Variants in RGPD2 observed in about 807,000 individuals in gnomAD.
RGPD2 encodes the protein RANBP2-like and GRIP domain-containing protein 2.
Under a neutral mutation model 36.0 loss-of-function variants are expected in RGPD2, and 2 were observed. The ratio of observed to expected loss-of-function variants is 0.06; its 90% CI spans 0.02 to 0.17. The LOEUF (loss-of-function observed/expected upper bound fraction) is 0.17. RGPD2 is among the 10% of genes least tolerant of loss of function. The pLI, the probability that RGPD2 is intolerant of heterozygous loss-of-function variation, is 1.00. For missense variants in RGPD2, 40 were observed against 464.3 expected (o/e 0.09, Z 8.40); for synonymous variants, 19 against 163.8 (o/e 0.12, Z 6.75).
chr2:87,961,503 C>G, the RGPD2 span, among the ~76,000 whole-genome samples: 1 of 151,698 alleles, frequency 6.6e-6, no homozygotes, highest in Non-Finnish European at 1.5e-5. Flanking sequence ...GAGTTGGAGA[C>G]CAGCCTGGCC....
At chr2:87,943,510 G>A in the RGPD2 span, among the ~76,000 whole-genome samples, 1 of 151,498 alleles carries the variant, frequency 6.6e-6, no homozygotes, top group African/African-American at 2.4e-5. Context: ...TTGCTTTTGA[G>A]TTGAGTTCCT....
the RGPD2 span, among the ~76,000 whole-genome samples, chr2:87,964,807 AT>A: frequency 1.2e-5 from 1 of 80,364 alleles, no homozygotes; most frequent in Non-Finnish European, 3.0e-5. Context: ...AATTCTTTTT[AT>A]TTATTTATTT....
the RGPD2 span, among the ~76,000 whole-genome samples, chr2:87,938,057 T>C: frequency 6.6e-6 from 1 of 151,810 alleles, no homozygotes; most frequent in East Asian, 1.9e-4. Flanking sequence ...TATGGACAAT[T>C]AATTTTTTAA....
At chr2:87,885,752 AG>A in the RGPD2 span, among the ~76,000 whole-genome samples, 1 of 148,132 alleles carries the variant, frequency 6.8e-6, no homozygotes, top group Admixed American at 6.8e-5. Context: ...ATATAACTCA[AG>A]GCCTCAAAAA....
chr2:87,988,524 A>AATATATATATATATAT, the RGPD2 span, among the ~76,000 whole-genome samples: 80 of 42,836 alleles, frequency 1.9e-3, 1 homozygote, highest in East Asian at 3.4e-3. Context: ...TATACATATA[A>AATATATATATATATAT]ATATATATAT....
chr2:87,873,256 G>C, the RGPD2 span, among the ~76,000 whole-genome samples: 1 of 142,484 alleles, frequency 7.0e-6, no homozygotes, highest in Non-Finnish European at 1.5e-5. Flanking sequence ...TGGTCATTTT[G>C]GGTTTATTCT....
the RGPD2 span, among the ~76,000 whole-genome samples, chr2:87,927,541 C>A: frequency 6.6e-6 from 1 of 151,256 alleles, no homozygotes; most frequent in Non-Finnish European, 1.5e-5. Flanking sequence ...AACAACAGAA[C>A]AACTAAGAAG....
chr2:87,853,937 G>C, the RGPD2 span, among the ~76,000 whole-genome samples: 5 of 152,270 alleles, frequency 3.3e-5, no homozygotes, highest in African/African-American at 1.2e-4. Flanking sequence ...AGAGTTCTGT[G>C]TAATTGAGTA....
chr2:87,939,475 T>G, the RGPD2 span, among the ~76,000 whole-genome samples: 1 of 151,974 alleles, frequency 6.6e-6, no homozygotes, highest in African/African-American at 2.4e-5. Flanking sequence ...GGGTCACGTG[T>G]TGTCCCTAGC....
At chr2:87,915,539 C>T in the RGPD2 span, among the ~76,000 whole-genome samples, 1 of 138,326 alleles carries the variant, frequency 7.2e-6, no homozygotes, top group Admixed American at 7.3e-5. Context: ...CATATATACA[C>T]ATATATATGT....
At chr2:87,826,259 G>C (rs1686808754), upstream of RGPD2, among the ~76,000 whole-genome samples, 2 of 150,404 alleles carry the variant, frequency 1.3e-5, no homozygotes, top group African/African-American at 4.9e-5. Flanking sequence ...TATACTTGTA[G>C]CAACATAGCT....
chr2:87,971,634 T>TA, the RGPD2 span, among the ~76,000 whole-genome samples: 65 of 148,940 alleles, frequency 4.4e-4, no homozygotes, highest in South Asian at 7.8e-3. Flanking sequence ...GATCGATTTT[T>TA]ATGTAGTTTT....
chr2:87,986,609 G>A, the RGPD2 span, among the ~76,000 whole-genome samples: 2 of 151,840 alleles, frequency 1.3e-5, no homozygotes, highest in African/African-American at 4.8e-5. Context: ...GCCAGGCATG[G>A]TGACTCACGC....
intron 6 of RGPD2, among the ~76,000 whole-genome samples, chr2:87,807,098 CCT>C (rs1484225052): frequency 1.9e-5 from 2 of 104,540 alleles, no homozygotes; most frequent in African/African-American, 9.5e-5. Context: ...TCATGCTTAA[CCT>C]CTCAAATGAT....
the RGPD2 span, among the ~76,000 whole-genome samples, chr2:87,890,653 TG>T: frequency 6.6e-6 from 1 of 151,294 alleles, no homozygotes. Flanking sequence ...TATTGGTGCT[TG>T]GTACCAGCAT....
upstream of RGPD2, chr2:87,825,900 G>A (rs370773461): frequency 1.4e-6 from 1 of 710,050 alleles, no homozygotes; most frequent in South Asian, 2.0e-5. Context: ...GTCGGCGCTC[G>A]AGCTGCACTC....
At chr2:87,827,140 T>A (rs1012944701), upstream of RGPD2, among the ~76,000 whole-genome samples, 1 of 151,716 alleles carries the variant, frequency 6.6e-6, no homozygotes, top group South Asian at 2.1e-4. Flanking sequence ...TTCCAAAAAA[T>A]GAGATTGACA....
the RGPD2 span, among the ~76,000 whole-genome samples, chr2:87,988,541 A>ATTTT: frequency 5.8e-3 from 313 of 54,152 alleles, 14 homozygotes; most frequent in African/African-American, 0.014. Context: ...ATATATATAT[A>ATTTT]TTTTTTTTTT....
the RGPD2 span, among the ~76,000 whole-genome samples, chr2:87,977,889 G>C: frequency 6.6e-6 from 1 of 152,092 alleles, no homozygotes; most frequent in South Asian, 2.1e-4. Flanking sequence ...GCCAAGGCTG[G>C]TGGATCACTT....
Sources: allele counts gnomAD v4.1 joint callset (sites outside exome capture counted in the v4.1 genomes callset), GRCh38; gene constraint gnomAD v4.1.1; transcripts MANE v1.5; gene names NCBI Gene and HGNC (gene_info 2026-07-23, HGNC 2026-07-21).